STPG2: variants seen among roughly 807,000 people sequenced by gnomAD.
STPG2 encodes the protein sperm-tail PG-rich repeat-containing protein 2.
In STPG2, 56 loss-of-function variants were observed where a neutral mutation model predicts 54.2. The observed-to-expected ratio is 1.03, with a 90% confidence interval of 0.83 to 1.29. The LOEUF (loss-of-function observed/expected upper bound fraction) is 1.29. Ranked by LOEUF, STPG2 falls within the 50% of genes most tolerant of loss-of-function variation. STPG2 has a pLI of 0.00. For synonymous variants in STPG2, 200 were observed against 181.8 expected, an observed-to-expected ratio of 1.10 and a Z score of -0.81; for missense variants, 596 against 544.9, an observed-to-expected ratio of 1.09 and a Z score of -0.93.
intron 8 of STPG2, among the ~76,000 whole-genome samples, chr4:97,887,432 T>A (rs1226107021): frequency 1.3e-5 from 2 of 152,182 alleles, no homozygotes; most frequent in Admixed American, 1.3e-4. Context: ...AGAAAAGAAC[T>A]TGGTTTCATT....
chr4:98,143,297 G>A lies in STPG2; in HGVS notation c.-147C>T, dbSNP rs1296831306. On this transcript the variant is annotated 5_prime_UTR_variant, in exon 1 of 11. Coordinates refer to ENST00000295268, the MANE Select transcript of STPG2 (RefSeq NM_174952.3). ...CCGTAAACAGGGAAATTAGGGGTGG[G>A]GTTGTCTCCCCGCCCGCTCATTGAT... 1.8e-5 allele frequency: 11 copies of A among 610,808 alleles called. No homozygotes were observed. Among genetic ancestry groups the A allele is most frequent in the South Asian group, 4.0e-5 (2 of 49,706 alleles). 37.8% of individuals were successfully genotyped at this position (610,808 alleles called of 1,614,324 possible).
At chr4:97,923,408 C>A (rs113373742) in intron 8 of STPG2, among the ~76,000 whole-genome samples, 4 of 151,848 alleles carry the variant, frequency 2.6e-5, no homozygotes, top group African/African-American at 7.3e-5. Flanking sequence ...GGAGTGCAGG[C>A]GCACAGCGCA....
intron 10 of STPG2, among the ~76,000 whole-genome samples, chr4:97,595,050 C>T (rs902435449): frequency 1.3e-5 from 2 of 152,170 alleles, no homozygotes; most frequent in Non-Finnish European, 2.9e-5. Context: ...GGCGATTCCT[C>T]AAGGATCTAG....
chr4:98,075,563 C>T (rs551047660), intron 5 of STPG2, among the ~76,000 whole-genome samples: 6 of 152,170 alleles, frequency 3.9e-5, no homozygotes, highest in Admixed American at 2.0e-4. Flanking sequence ...TCCCTTAAGT[C>T]TTATCTCCTT....
At chr4:97,995,561 G>A (rs921167245) in intron 5 of STPG2, among the ~76,000 whole-genome samples, 14 of 152,142 alleles carry the variant, frequency 9.2e-5, no homozygotes, top group African/African-American at 2.9e-4. Flanking sequence ...ACAGCCAAGA[G>A]GAACATCTGC....
intron 10 of STPG2, among the ~76,000 whole-genome samples, chr4:97,698,179 G>T (rs999385921): frequency 6.6e-6 from 1 of 152,074 alleles, no homozygotes; most frequent in Admixed American, 6.5e-5. Flanking sequence ...TTTCTTGGTG[G>T]AGTGACTCAA....
At chr4:97,475,422 G>A (rs1730046417) in intron 4 of STPG2, among the ~76,000 whole-genome samples, 1 of 150,078 alleles carries the variant, frequency 6.7e-6, no homozygotes, top group African/African-American at 2.4e-5. Context: ...TGTATACAAT[G>A]TTTATCAAAA....
chr4:97,788,767 G>C (rs1367946663), intron 9 of STPG2, among the ~76,000 whole-genome samples: 1 of 151,904 alleles, frequency 6.6e-6, no homozygotes, highest in African/African-American at 2.4e-5. Context: ...GAACATATAA[G>C]ATGCCCACTT....
intron 10 of STPG2, among the ~76,000 whole-genome samples, chr4:97,616,048 ATACATATAAATATATATATAT>A (rs1284631187): frequency 6.5e-5 from 6 of 91,892 alleles, no homozygotes; most frequent in African/African-American, 2.1e-4. Flanking sequence ...AAAAAAAAAA[ATACATATAAATATATATATAT>A]ATATATATAT....
intron 5 of STPG2, among the ~76,000 whole-genome samples, chr4:98,042,069 T>C (rs1239047984): frequency 1.3e-5 from 2 of 152,010 alleles, no homozygotes; most frequent in Admixed American, 6.6e-5. Context: ...GGAAATAATA[T>C]GTTTCCAGGA....
intron 8 of STPG2, among the ~76,000 whole-genome samples, chr4:97,931,677 GTTGT>G (rs1732552079): frequency 6.6e-6 from 1 of 151,536 alleles, no homozygotes; most frequent in Non-Finnish European, 1.5e-5. Context: ...TGTTGTTGTT[GTTGT>G]TTGTTGTTTT....
chr4:97,527,369 A>C (rs899131596), intron 4 of STPG2, among the ~76,000 whole-genome samples: 4 of 152,180 alleles, frequency 2.6e-5, no homozygotes, highest in Admixed American at 2.6e-4. Flanking sequence ...CATGGTGTAT[A>C]TGTGCCACAT....
chr4:97,875,004 A>G (rs1292710877), intron 8 of STPG2, among the ~76,000 whole-genome samples: 1 of 151,986 alleles, frequency 6.6e-6, no homozygotes, highest in Non-Finnish European at 1.5e-5. Context: ...AGCCTAAAAT[A>G]AGACATTATA....
At chr4:97,922,728 G>A (rs1732154405) in intron 8 of STPG2, among the ~76,000 whole-genome samples, 2 of 152,158 alleles carry the variant, frequency 1.3e-5, no homozygotes, top group Non-Finnish European at 2.9e-5. Context: ...GCATATGCAA[G>A]GTTAGGGGAA....
chr4:97,612,069 CT>C (rs1164648172), intron 10 of STPG2, among the ~76,000 whole-genome samples: 5 of 151,522 alleles, frequency 3.3e-5, no homozygotes, highest in Non-Finnish European at 7.4e-5. Context: ...ATCTGAAGGT[CT>C]TTAAAAATCA....
chr4:97,807,224 C>A (rs1352579305), intron 9 of STPG2, among the ~76,000 whole-genome samples: 1 of 151,320 alleles, frequency 6.6e-6, no homozygotes, highest in Admixed American at 6.6e-5. Flanking sequence ...TCTCAAAATG[C>A]CTTAATTCCT....
chr4:97,804,255 C>A (rs539542706), intron 9 of STPG2, among the ~76,000 whole-genome samples: 37 of 152,160 alleles, frequency 2.4e-4, no homozygotes, highest in African/African-American at 8.4e-4. Flanking sequence ...CATACACAAT[C>A]GTGAGCTGCA....
intron 9 of STPG2, among the ~76,000 whole-genome samples, chr4:97,826,413 C>T (rs1202146253): frequency 6.6e-6 from 1 of 152,060 alleles, no homozygotes; most frequent in Non-Finnish European, 1.5e-5. Flanking sequence ...TAAAGAGATT[C>T]TGCGTGCAAA....
intron 9 of STPG2, among the ~76,000 whole-genome samples, chr4:97,799,949 T>C (rs551594307): frequency 6.6e-5 from 10 of 152,336 alleles, no homozygotes; most frequent in South Asian, 6.2e-4. Flanking sequence ...CCATCACTGA[T>C]ACCCTTCCTT....
Sources: allele counts gnomAD v4.1 joint callset (sites outside exome capture counted in the v4.1 genomes callset), GRCh38; gene constraint gnomAD v4.1.1; transcripts MANE v1.5; gene names NCBI Gene and HGNC (gene_info 2026-07-23, HGNC 2026-07-21).